Variants in KCNU1 observed in about 807,000 individuals in gnomAD.
KCNU1 encodes the protein potassium channel subfamily U member 1.
KCNU1 carries 93 observed loss-of-function variants against 126.8 expected under a neutral mutation model. The observed-to-expected ratio is 0.73, with a 90% confidence interval of 0.62 to 0.87. The LOEUF (loss-of-function observed/expected upper bound fraction) is 0.87, where lower values mean the gene tolerates loss of function less well. Ranked by LOEUF, KCNU1 falls within the 40% of genes least tolerant of loss-of-function variation. The pLI is 0.00. For missense variants in KCNU1, 1,330 were observed against 1,367.1 expected, an observed-to-expected ratio of 0.97 and a Z score of 0.43; for synonymous variants, 523 against 494.2, an observed-to-expected ratio of 1.06 and a Z score of -0.77.
At chr8:36,837,880 C>T (rs1804810983) in intron 14 of KCNU1, among the ~76,000 whole-genome samples, 1 of 151,074 alleles carries the variant, frequency 6.6e-6, no homozygotes, top group East Asian at 1.9e-4. Context: ...CGTGACTTCC[C>T]TCTTGACCTC....
intron 19 of KCNU1, among the ~76,000 whole-genome samples, chr8:36,884,539 C>T (rs967468858): frequency 6.6e-6 from 1 of 152,016 alleles, no homozygotes; most frequent in East Asian, 1.9e-4. Context: ...AGTTCCAGAC[C>T]AGTCTGGCCA....
At chr8:36,867,404 C>T (rs181753583) in intron 19 of KCNU1, among the ~76,000 whole-genome samples, 17 of 152,154 alleles carry the variant, frequency 1.1e-4, no homozygotes, top group African/African-American at 3.4e-4. Flanking sequence ...AGTAGAGTGC[C>T]GTGGGAAAGT....
At chr8:36,871,239 G>T (rs1563307038) in intron 19 of KCNU1, among the ~76,000 whole-genome samples, 1 of 152,060 alleles carries the variant, frequency 6.6e-6, no homozygotes, top group Non-Finnish European at 1.5e-5. Context: ...AAGAGTTAGG[G>T]TGGCAGGGAA....
chr8:36,905,932 A>C lies in KCNU1; in HGVS notation c.2106+128A>C. On this transcript the variant is annotated intron_variant, in intron 20 of 26. Coordinates refer to ENST00000399881, the MANE Select transcript of KCNU1 (RefSeq NM_001031836.3). ...TGTGAATTTGTCAAAAAAAGAAAAA[A>C]ACCCACATCCCTCACCAGCCATAAG... is the stretch of plus-strand genomic sequence containing the variant. The C allele has an allele frequency of 5.4e-6, 3 of 557,852 alleles. No homozygotes were observed. In the South Asian group the frequency reaches 7.3e-5, roughly 14 times the overall value. 34.6% of individuals were successfully genotyped at this position (557,852 alleles called of 1,614,324 possible). A position where few individuals can be genotyped will look rare whatever the true frequency, so the allele number is the denominator to read the frequency against.
chr8:36,866,219 C>A (rs1805906280), intron 19 of KCNU1, among the ~76,000 whole-genome samples: 1 of 152,098 alleles, frequency 6.6e-6, no homozygotes, highest in Non-Finnish European at 1.5e-5. Context: ...TGCAATAAAT[C>A]TTTTACTTGT....
intron 18 of KCNU1, among the ~76,000 whole-genome samples, chr8:36,855,922 A>G (rs1466886210): frequency 1.3e-5 from 2 of 152,116 alleles, no homozygotes; most frequent in African/African-American, 4.8e-5. Context: ...CATGTAAACC[A>G]CATTTTTCTC....
At chr8:36,871,557 T>C (rs1806104183) in intron 19 of KCNU1, among the ~76,000 whole-genome samples, 1 of 152,188 alleles carries the variant, frequency 6.6e-6, no homozygotes, top group Admixed American at 6.5e-5. Flanking sequence ...AATTGTACCA[T>C]AGAAAAGTCA....
chr8:36,786,326 A>C (rs1240974943), intron 1 of KCNU1, among the ~76,000 whole-genome samples: 3 of 152,196 alleles, frequency 2.0e-5, no homozygotes, highest in Non-Finnish European at 4.4e-5. Flanking sequence ...TATTAATGTC[A>C]TACCTAGGAT....
chr8:36,910,916 T>C lies in KCNU1; in HGVS notation c.2332-14T>C, dbSNP rs770611924. 6.5e-7 allele frequency: 1 copy of C among 1,549,546 alleles called. No homozygotes were observed. Among genetic ancestry groups the C allele is most frequent in the Non-Finnish European group, 8.8e-7 (1 of 1,131,600 alleles). On this transcript the variant is annotated splice_polypyrimidine_tract_variant and intron_variant, in intron 21 of 26. Coordinates refer to ENST00000399881, the MANE Select transcript of KCNU1 (RefSeq NM_001031836.3). ...CATCCGACCAGTGCCTCCTCTCTCTTTTCCTCTCATTAGGGATGTGCACTT... is the reference window on the plus strand; with the variant it reads ...CATCCGACCAGTGCCTCCTCTCTCTCTTCCTCTCATTAGGGATGTGCACTT...
chr8:36,889,034 A>C, intron 19 of KCNU1: 14 of 467,976 alleles, frequency 3.0e-5, no homozygotes, highest in South Asian at 2.3e-4. Flanking sequence ...ATACACCACC[A>C]TGCCCAGCTA....
intron 18 of KCNU1, among the ~76,000 whole-genome samples, chr8:36,860,924 T>A (rs779054660): frequency 7.2e-5 from 11 of 152,030 alleles, no homozygotes; most frequent in Non-Finnish European, 1.6e-4. Flanking sequence ...TTTTTTTTTT[T>A]TATAAACATT....
intron 19 of KCNU1, among the ~76,000 whole-genome samples, chr8:36,884,422 T>A (rs1318422940): frequency 6.6e-6 from 1 of 152,152 alleles, no homozygotes; most frequent in East Asian, 1.9e-4. Flanking sequence ...TGGCAGGGTA[T>A]GCCGTGATGT....
intron 2 of KCNU1, 98 bp from the exon 3 acceptor site, chr8:36,803,929 C>T (rs756229768): frequency 7.8e-5 from 60 of 772,670 alleles, no homozygotes; most frequent in Admixed American, 4.5e-4. Context: ...AATGGCTACA[C>T]GTACACAGGC....
At chr8:36,796,489 C>T (rs1253031341) in intron 2 of KCNU1, among the ~76,000 whole-genome samples, 1 of 152,130 alleles carries the variant, frequency 6.6e-6, no homozygotes, top group Non-Finnish European at 1.5e-5. Flanking sequence ...TATTGACTGT[C>T]ATGTATTTCC....
intron 7 of KCNU1, among the ~76,000 whole-genome samples, chr8:36,813,161 T>A (rs1803785481): frequency 6.6e-6 from 1 of 152,172 alleles, no homozygotes; most frequent in Non-Finnish European, 1.5e-5. Context: ...AGACATATAA[T>A]CCCATTCTTA....
At chr8:36,808,207 C>A (rs1803577168) in intron 6 of KCNU1, among the ~76,000 whole-genome samples, 1 of 152,092 alleles carries the variant, frequency 6.6e-6, no homozygotes, top group South Asian at 2.1e-4. Context: ...GACAAGGGCC[C>A]CTCTGATCTT....
At chr8:36,859,378 C>G (rs185826484) in intron 18 of KCNU1, among the ~76,000 whole-genome samples, 234 of 152,246 alleles carry the variant, frequency 1.5e-3, no homozygotes, top group Non-Finnish European at 2.4e-3. Context: ...TCAGTCCACT[C>G]CCTTCAAACA....
At chr8:36,828,647 T>G (rs372432741) in intron 10 of KCNU1, among the ~76,000 whole-genome samples, 11 of 152,164 alleles carry the variant, frequency 7.2e-5, no homozygotes, top group Admixed American at 5.9e-4. Context: ...CACTCTTCTT[T>G]TGGTGTGATT....
At chr8:36,818,498 C>T (rs1023585415) in intron 10 of KCNU1, among the ~76,000 whole-genome samples, 3 of 151,764 alleles carry the variant, frequency 2.0e-5, no homozygotes, top group Non-Finnish European at 2.9e-5. Flanking sequence ...TAATTTTTTT[C>T]GTGCTTTTAT....
Sources: gnomAD v4.1 joint callset for allele counts (sites outside exome capture counted in the v4.1 genomes callset) on GRCh38, gnomAD v4.1.1 for gene constraint, MANE v1.5 for transcripts, NCBI Gene and HGNC (gene_info 2026-07-23, HGNC 2026-07-21) for gene names.